The following LOXL1 variants were observed in gnomAD, a reference collection of about 807,000 sequenced individuals.
LOXL1 encodes the protein lysyl oxidase homolog 1.
Under a neutral mutation model 62.2 loss-of-function variants are expected in LOXL1, and 31 were observed. That is an observed-to-expected ratio of 0.50 (90% CI 0.37 to 0.67). LOXL1 has a LOEUF of 0.67. LOXL1 is among the 30% of genes least tolerant of loss of function. The probability of loss-of-function intolerance (pLI) is 0.00; values close to 1 mark genes in which losing one functional copy is unlikely to be tolerated. For missense variants in LOXL1, 775 were observed against 843.4 expected (o/e 0.92, Z 1.00); for synonymous variants, 403 against 384.4 (o/e 1.05, Z -0.56).
rs953932005 is a variant in LOXL1 at position 73,927,949 on chromosome 15, C to A, written c.1102+64C>A. 8 of 1,249,472 alleles carry A rather than the reference C, an allele frequency of 6.4e-6. No homozygotes were observed. In the African/African-American group the frequency reaches 1.1e-4, roughly 17 times the overall value. 77.4% of individuals were successfully genotyped at this position (1,249,472 alleles called of 1,614,324 possible). A position where few individuals can be genotyped will look rare whatever the true frequency, so the allele number is the denominator to read the frequency against. ...CCTGGCCACTGGAAACTGCTCCGGG[C>A]CCCCCGGGCCCCTCCTTAGAACTTC... On this transcript the variant is annotated intron_variant, in intron 1 of 6. Coordinates refer to ENST00000261921, the MANE Select transcript of LOXL1 (RefSeq NM_005576.4).
Position 73,942,882 on chromosome 15 carries a change from C to T in LOXL1, c.1131C>T (p.Asn377=), listed in dbSNP as rs773795208. ...TCCCTGACTTGGTCCCAGACCCCAA[C>T]TATGTGCAAGCATCCACTTATGTGC... ...RGLPDLVPDP[N]YVQASTYVQR... The change falls in exon 2 of 7, where the codon AAC becomes AAT. Residue 377 remains asparagine, a synonymous_variant. Transcript: ENST00000261921. The T allele has an allele frequency of 5.6e-6, 9 of 1,614,040 alleles. No individual in the cohort carries two copies. In the South Asian group the frequency reaches 6.6e-5, roughly 12 times the overall value.
intron 1 of LOXL1, among the ~76,000 whole-genome samples, chr15:73,937,904 G>A (rs535460492): frequency 3.3e-5 from 5 of 152,234 alleles, no homozygotes; most frequent in Non-Finnish European, 7.3e-5. Flanking sequence ...AGCTGGCTGC[G>A]TACCTTCATC....
Position 73,947,103 on chromosome 15 carries a change from C to T in LOXL1, c.1386C>T (p.Asp462=). ...YHSMDEFSHY[D]LLDAATGKKV... is the part of the protein sequence containing the mutation. ...GCATGGACGAGTTCAGCCACTACGACCTACTGGATGCAGCCACAGGCAAGA... is the reference window on the plus strand; with the variant it reads ...GCATGGACGAGTTCAGCCACTACGATCTACTGGATGCAGCCACAGGCAAGA... Residue 462 remains aspartate (D), a synonymous_variant, in exon 4 of 7, where the codon GAC becomes GAT. Transcript: ENST00000261921. 6.2e-7 allele frequency: 1 copy of T among 1,612,916 alleles called. No individual in the cohort carries two copies. The highest frequency in any genetic ancestry group is 2.2e-5 in the East Asian group (1 of 44,830).
At chr15:73,950,391 C>T (rs1289464580) in intron 6 of LOXL1, among the ~76,000 whole-genome samples, 7 of 152,018 alleles carry the variant, frequency 4.6e-5, no homozygotes, top group Admixed American at 4.6e-4. Context: ...GGTATCTTTC[C>T]CTAAAAGTGT....
chr15:73,931,078 C>G (rs548559255), intron 1 of LOXL1, among the ~76,000 whole-genome samples: 1 of 100,138 alleles, frequency 1.0e-5, no homozygotes, highest in South Asian at 3.7e-4. Flanking sequence ...AGCTGGGGGT[C>G]TTAGTGCCAC....
At chr15:73,947,575 T>C (rs150894568) in intron 4 of LOXL1, 2 of 518,564 alleles carry the variant, frequency 3.9e-6, no homozygotes, top group Non-Finnish European at 6.8e-6. Context: ...TCTCTTTTTA[T>C]CCATTCTGCC....
chr15:73,929,500 G>A (rs748088195), intron 1 of LOXL1, among the ~76,000 whole-genome samples: 3 of 152,208 alleles, frequency 2.0e-5, no homozygotes, highest in African/African-American at 4.8e-5. Flanking sequence ...GGAGAGGAGC[G>A]TCTCCACTGG....
At chr15:73,941,103 C>T (rs539993137) in intron 1 of LOXL1, among the ~76,000 whole-genome samples, 1 of 152,318 alleles carries the variant, frequency 6.6e-6, no homozygotes, top group South Asian at 2.1e-4. Flanking sequence ...ACCCCTCCCC[C>T]AGAGGCTTCC....
At position 73,927,223 on chromosome 15, in the gene LOXL1, C is replaced by G. The variant is rs368501200; in HGVS notation, c.440C>G (p.Ser147Cys). The change falls in exon 1 of 7, where the codon TCC becomes TGC. Residue 147 changes from serine to cysteine, a missense_variant. Coordinates refer to ENST00000261921, the MANE Select transcript of LOXL1 (RefSeq NM_005576.4). ...TGMARARTSV[S>C]QQRHGGSASS... is the part of the protein sequence containing the mutation. ...ATGGCCCGGGCCCGCACCTCCGTCT[C>G]CCAGCAACGGCACGGGGGCTCCGCC... 79 of 1,596,124 alleles carry G rather than the reference C, an allele frequency of 4.9e-5. No individual in the cohort carries two copies. Among genetic ancestry groups the G allele is most frequent in the Non-Finnish European group, 6.1e-5 (72 of 1,176,368 alleles).
intron 1 of LOXL1, among the ~76,000 whole-genome samples, chr15:73,938,438 TCGG>T (rs2068691277): frequency 1.4e-5 from 2 of 139,242 alleles, no homozygotes; most frequent in Non-Finnish European, 1.7e-5. Flanking sequence ...TGGACTGGGC[TCGG>T]TGGCTCACCC....
chr15:73,927,080 C>A lies in LOXL1; in HGVS notation c.297C>A (p.Ser99=). ...HGSPRRRQAP[S]LPLPGRVGSD... ...GCCCCCGGCGTCGGCAGGCGCCGTC[C>A]CTGCCCCTGCCGGGGCGCGTGGGCT... is the stretch of plus-strand genomic sequence containing the variant. The change falls in exon 1 of 7, where the codon TCC becomes TCA. Residue 99 remains serine, a synonymous_variant. Transcript: ENST00000261921. 2 of 1,308,534 alleles carry A rather than the reference C, an allele frequency of 1.5e-6. No homozygotes were observed. Among genetic ancestry groups the A allele is most frequent in the Non-Finnish European group, 2.0e-6 (2 of 1,024,412 alleles). 81.1% of individuals were successfully genotyped at this position (1,308,534 alleles called of 1,614,324 possible).
intron 1 of LOXL1, 50 bp downstream of exon 1, chr15:73,927,935 G>C (rs1295528543): frequency 7.8e-7 from 1 of 1,284,094 alleles, no homozygotes; most frequent in African/African-American, 1.6e-5. Flanking sequence ...CTGGCCACTG[G>C]AAACTGCTCC....
At position 73,947,893 on chromosome 15, in the gene LOXL1, C is replaced by T. The variant is rs556321054; in HGVS notation, c.1593C>T (p.Tyr531=). ...IDITDVQPGN[Y]ILKVHVNPKY... Reference sequence around the variant, plus strand: ...TAACCGACGTGCAGCCTGGGAACTACATCCTCAAGGTGGGCCTCTGGGTCT... The same window carrying T: ...TAACCGACGTGCAGCCTGGGAACTATATCCTCAAGGTGGGCCTCTGGGTCT... The change falls in exon 5 of 7, where the codon TAC becomes TAT. Residue 531 remains tyrosine, a synonymous_variant. Transcript: ENST00000261921. 1.4e-5 allele frequency: 23 copies of T among 1,612,862 alleles called. No homozygotes were observed. Among genetic ancestry groups the T allele is most frequent in the African/African-American group, 2.7e-5 (2 of 74,900 alleles).
intron 6 of LOXL1, 71 bp from the exon 7 acceptor site, chr15:73,951,760 C>T (rs1050509596): frequency 3.0e-5 from 42 of 1,393,248 alleles, no homozygotes; most frequent in East Asian, 5.3e-5. Flanking sequence ...GTGGGAGGGA[C>T]GCCCTGGCTG....
chr15:73,949,426 A>G (rs1174793136), intron 5 of LOXL1, 33 bp from the exon 6 acceptor site: 2 of 1,291,436 alleles, frequency 1.5e-6, no homozygotes, highest in East Asian at 4.6e-5. Context: ...CCCTGACTAG[A>G]CTCCCTTTCT....
At position 73,947,076 on chromosome 15, in the gene LOXL1, C is replaced by A; in HGVS notation, c.1359C>A (p.His453Gln). 1 of 1,606,762 alleles carries A rather than the reference C, an allele frequency of 6.2e-7. No homozygotes were observed. The highest frequency in any genetic ancestry group is 8.5e-7 in the Non-Finnish European group (1 of 1,174,546). ...TCTCCTCTGCCCCTAGGCATTACCA[C>A]AGCATGGACGAGTTCAGCCACTACG... ...WEWHSCHQHYHSMDEFSHYDL... is the reference protein window; with the variant it reads ...WEWHSCHQHYQSMDEFSHYDL... Residue 453 changes from histidine to glutamine, a missense_variant, in exon 4 of 7, where the codon CAC becomes CAA. Physicochemically the swap from His to Gln is conservative, Grantham distance 24. Coordinates refer to ENST00000261921, the MANE Select transcript of LOXL1 (RefSeq NM_005576.4).
At position 73,927,029 on chromosome 15, in the gene LOXL1, G is replaced by C. The variant is rs1402723134; in HGVS notation, c.246G>C (p.Gln82His). Residue 82 changes from glutamine (Q) to histidine (H), a missense_variant, in exon 1 of 7, where the codon CAG (glutamine) becomes CAC (histidine). Transcript: ENST00000261921. ...GGGTGCTGCTGGCCGGCGCGCCCCA[G>C]GCCCAGCAGCGGCGCAGCCACGGGA... The part of the protein sequence containing the change: ...SSRVLLAGAP[Q>H]AQQRRSHGSP... The C allele has an allele frequency of 1.4e-6, 2 of 1,390,740 alleles. No homozygotes were observed. Among genetic ancestry groups the C allele is most frequent in the Non-Finnish European group, 1.9e-6 (2 of 1,061,922 alleles). The allele number at this position is 1,390,740 out of a possible 1,614,324, so 86.1% of individuals were successfully genotyped here. A position where few individuals can be genotyped will look rare whatever the true frequency, so the allele number is the denominator to read the frequency against.
intron 1 of LOXL1, among the ~76,000 whole-genome samples, chr15:73,941,561 A>C (rs897356779): frequency 6.6e-6 from 1 of 152,250 alleles, no homozygotes; most frequent in Non-Finnish European, 1.5e-5. Context: ...GCCTGCTCTC[A>C]CCCTTCCTGA....
intron 2 of LOXL1, among the ~76,000 whole-genome samples, chr15:73,943,743 C>A (rs2068730549): frequency 6.6e-6 from 1 of 152,196 alleles, no homozygotes; most frequent in African/African-American, 2.4e-5. Flanking sequence ...TTGTTAATAT[C>A]CCTTTATGTT....
Sources: allele counts gnomAD v4.1 joint callset (sites outside exome capture counted in the v4.1 genomes callset), GRCh38; gene constraint gnomAD v4.1.1; transcripts MANE v1.5; gene names NCBI Gene and HGNC (gene_info 2026-07-23, HGNC 2026-07-21).